The following PLCB4 variants were observed in gnomAD, a reference collection of about 807,000 sequenced individuals.
PLCB4 encodes 1-phosphatidylinositol 4,5-bisphosphate phosphodiesterase beta-4.
A neutral mutation model predicts 178.8 loss-of-function variants in PLCB4; 77 were observed. That is an observed-to-expected ratio of 0.43 (90% confidence interval 0.36 to 0.52). The LOEUF (loss-of-function observed/expected upper bound fraction) is 0.52, where lower values mean the gene tolerates loss of function less well. Among genes scored for constraint, PLCB4 ranks in the 20% least tolerant of loss-of-function variants. The pLI is 0.00. For missense variants in PLCB4, 1,024 were observed against 1,453.4 expected, an observed-to-expected ratio of 0.70 and a Z score of 4.80; for synonymous variants, 496 against 490.8, an observed-to-expected ratio of 1.01 and a Z score of -0.14.
intron 2 of PLCB4, among the ~76,000 whole-genome samples, chr20:9,141,578 T>C (rs1021174724): frequency 6.6e-6 from 1 of 152,148 alleles, no homozygotes; most frequent in African/African-American, 2.4e-5. Flanking sequence ...TTAAGTTCAC[T>C]TAATTTCCCT....
At chr20:9,198,630 G>A (rs1397633015) in intron 2 of PLCB4, among the ~76,000 whole-genome samples, 1 of 152,162 alleles carries the variant, frequency 6.6e-6, no homozygotes, top group East Asian at 1.9e-4. Flanking sequence ...ATAAATGTAG[G>A]GCTTTGTGCT....
At chr20:9,200,866 C>T (rs964146726) in intron 2 of PLCB4, among the ~76,000 whole-genome samples, 1 of 152,122 alleles carries the variant, frequency 6.6e-6, no homozygotes, top group Non-Finnish European at 1.5e-5. Flanking sequence ...CTCCCCTCCC[C>T]CCAGCTTGCT....
At chr20:9,445,136 G>A (rs529812020) in intron 32 of PLCB4, among the ~76,000 whole-genome samples, 1 of 152,280 alleles carries the variant, frequency 6.6e-6, no homozygotes, top group Non-Finnish European at 1.5e-5. Context: ...GTTGAAAAAC[G>A]TCATGGCCCT....
At chr20:9,128,715 T>C (rs569688366) in intron 2 of PLCB4, among the ~76,000 whole-genome samples, 1 of 152,300 alleles carries the variant, frequency 6.6e-6, no homozygotes, top group South Asian at 2.1e-4. Flanking sequence ...AAGTGAACAG[T>C]TAAGTGACAT....
chr20:9,406,910 T>A (rs2148493512), intron 21 of PLCB4, among the ~76,000 whole-genome samples: 1 of 152,352 alleles, frequency 6.6e-6, no homozygotes, highest in South Asian at 2.1e-4. Flanking sequence ...TATTGATCAC[T>A]TTTGAAGGTA....
In PLCB4 at chr20:9,479,974, C is replaced by A. The variant is rs2044785801; in HGVS notation, c.*965C>A. ...ATGTATGGCACAGAATATAATTTGA[C>A]TATCAAGACTTTTAGCATAATGAAA... On this transcript the variant is annotated 3_prime_UTR_variant, in exon 40 of 40. Transcript: ENST00000378473. 6.6e-6 allele frequency: 1 copy of A among 152,440 alleles called. No individual in the cohort carries two copies. Among genetic ancestry groups the A allele is most frequent in the Non-Finnish European group, 1.5e-5 (1 of 68,026 alleles). The allele number at this position is 152,440 out of a possible 1,614,324, so 9.4% of individuals were successfully genotyped here.
At chr20:9,385,487 G>C (rs1010176671) in intron 14 of PLCB4, among the ~76,000 whole-genome samples, 5 of 145,278 alleles carry the variant, frequency 3.4e-5, no homozygotes, top group South Asian at 2.3e-4. Context: ...GGGCAGAGGC[G>C]CTCCTCACTT....
intron 3 of PLCB4, among the ~76,000 whole-genome samples, chr20:9,291,261 C>G (rs1039960671): frequency 6.6e-6 from 1 of 152,118 alleles, no homozygotes; most frequent in African/African-American, 2.4e-5. Flanking sequence ...ATGAAATAGA[C>G]TCAATTCCAC....
intron 2 of PLCB4, among the ~76,000 whole-genome samples, chr20:9,127,670 CTATCTATCTATCT>C (rs1568800851): frequency 9.9e-5 from 15 of 151,836 alleles, no homozygotes; most frequent in East Asian, 3.9e-4. Flanking sequence ...ATCTATCTAT[CTATCTATCTATCT>C]ATCCATCCAT....
chr20:9,439,461 A>G (rs1358493996), intron 30 of PLCB4, among the ~76,000 whole-genome samples: 1 of 152,204 alleles, frequency 6.6e-6, no homozygotes, highest in East Asian at 1.9e-4. Flanking sequence ...TGATTAGAGG[A>G]GAAAGAAATA....
In PLCB4 at chr20:9,181,624, G is replaced by A. The variant is rs2093247851; in HGVS notation, c.-78-35766G>A. Among the ~76,000 whole-genome samples, 3 of 152,104 alleles carry A rather than the reference G, an allele frequency of 2.0e-5. No homozygotes were observed. The South Asian group carries it at 6.2e-4, about 32-fold the overall frequency. On this transcript the variant is annotated intron_variant, in intron 2 of 39. Coordinates refer to ENST00000378473, the MANE Select transcript of PLCB4 (RefSeq NM_001377142.1). ...ACATGGCACTCAGGTCGGGGGGATG[G>A]TGGAGGCAGAGTGTTTGTCTCTGTT...
intron 7 of PLCB4, among the ~76,000 whole-genome samples, chr20:9,350,549 T>C (rs2034235219): frequency 6.6e-6 from 1 of 152,078 alleles, no homozygotes; most frequent in Non-Finnish European, 1.5e-5. Context: ...ACAGTTGGCT[T>C]CTTTTTCTTT....
intron 7 of PLCB4, among the ~76,000 whole-genome samples, chr20:9,340,845 G>A (rs1033120231): frequency 6.6e-6 from 1 of 152,134 alleles, no homozygotes; most frequent in Non-Finnish European, 1.5e-5. Flanking sequence ...GCTTACATGA[G>A]TTATGACGTG....
intron 25 of PLCB4, among the ~76,000 whole-genome samples, chr20:9,418,368 A>G (rs948950540): frequency 1.3e-5 from 2 of 152,038 alleles, no homozygotes; most frequent in Admixed American, 1.3e-4. Flanking sequence ...TTATTTATCT[A>G]TTTATTTGCA....
At chr20:9,129,156 TC>T (rs1388881083) in intron 2 of PLCB4, among the ~76,000 whole-genome samples, 1 of 152,004 alleles carries the variant, frequency 6.6e-6, no homozygotes, top group Non-Finnish European at 1.5e-5. Context: ...TCTCTTCACA[TC>T]CCTGCTTTGG....
At chr20:9,319,057 C>A (rs1332302788) in intron 4 of PLCB4, among the ~76,000 whole-genome samples, 1 of 152,162 alleles carries the variant, frequency 6.6e-6, no homozygotes, top group Non-Finnish European at 1.5e-5. Context: ...ATCCTGGTTT[C>A]ATTCTCTTTG....
chr20:9,413,121 C>T (rs1219055453), intron 25 of PLCB4, among the ~76,000 whole-genome samples: 1 of 152,188 alleles, frequency 6.6e-6, no homozygotes, highest in Non-Finnish European at 1.5e-5. Context: ...AAGGAGTCAG[C>T]CTCAGCACTC....
chr20:9,176,924 C>T (rs2093165440), intron 2 of PLCB4, among the ~76,000 whole-genome samples: 1 of 152,066 alleles, frequency 6.6e-6, no homozygotes, highest in Admixed American at 6.6e-5. Flanking sequence ...TTGTATCATG[C>T]AAAGTTTAAG....
At chr20:9,119,009 T>C (rs1273522435) in intron 2 of PLCB4, among the ~76,000 whole-genome samples, 1 of 152,216 alleles carries the variant, frequency 6.6e-6, no homozygotes, top group Non-Finnish European at 1.5e-5. Flanking sequence ...GATGCCTAAC[T>C]GTGTTGTACA....
Sources: gnomAD v4.1 joint callset for allele counts (sites outside exome capture counted in the v4.1 genomes callset) on GRCh38, gnomAD v4.1.1 for gene constraint, MANE v1.5 for transcripts, NCBI Gene and HGNC (gene_info 2026-07-23, HGNC 2026-07-21) for gene names.